NBAS: variants seen among roughly 807,000 people sequenced by gnomAD.
NBAS encodes NBAS subunit of NRZ tethering complex, also known as NAG/BC035112 fusion.
A neutral mutation model predicts 302.5 loss-of-function variants in NBAS; 219 were observed. The ratio of observed to expected loss-of-function variants is 0.72; its 90% CI spans 0.65 to 0.81. NBAS has a LOEUF of 0.81. NBAS is among the 30% of genes least tolerant of loss of function. The probability of loss-of-function intolerance (pLI) is 0.00; values close to 1 mark genes in which losing one functional copy is unlikely to be tolerated. For synonymous variants in NBAS, 1,118 were observed against 1,021.6 expected (o/e 1.09, Z -1.80); for missense variants, 2,932 against 2,841.6 (o/e 1.03, Z -0.72).
Position 15,467,666 on chromosome 2 carries a change from G to A in NBAS, c.2016C>T (p.Ser672=). 6.2e-7 allele frequency: 1 copy of A among 1,611,530 alleles called. No individual in the cohort carries two copies. The highest frequency in any genetic ancestry group is 1.3e-5 in the African/African-American group (1 of 74,934). Residue 672 remains serine, a splice_region_variant and synonymous_variant, in exon 18 of 52, where the codon TCC becomes TCT. Coordinates refer to ENST00000281513, the MANE Select transcript of NBAS (RefSeq NM_015909.4). ...RQELLKLVNF[S]KLTLEQKELC... is the part of the protein sequence containing the mutation. ...ATGAACAGTAACAACTCATTTACTT[G>A]GAAAAGTTCACTAATTTCAGTAGTT...
the NBAS span, among the ~76,000 whole-genome samples, chr2:14,832,084 G>C: frequency 6.6e-6 from 1 of 152,040 alleles, no homozygotes; most frequent in Admixed American, 6.6e-5. Flanking sequence ...TTATTTCAAG[G>C]TCATGGCTGT....
At chr2:14,785,744 G>A in the NBAS span, among the ~76,000 whole-genome samples, 2 of 152,116 alleles carry the variant, frequency 1.3e-5, no homozygotes, top group Admixed American at 1.3e-4. Flanking sequence ...GAGGATTTTT[G>A]CATCAATGTT....
At chr2:15,548,936 C>T (rs771609354) in intron 6 of NBAS, among the ~76,000 whole-genome samples, 1 of 152,042 alleles carries the variant, frequency 6.6e-6, no homozygotes, top group Non-Finnish European at 1.5e-5. Flanking sequence ...GAGACTCTCA[C>T]GGGATAGACA....
the NBAS span, among the ~76,000 whole-genome samples, chr2:15,152,468 T>A: frequency 1.8e-4 from 28 of 152,176 alleles, no homozygotes; most frequent in Non-Finnish European, 3.4e-4. Context: ...GCTAAGAGTA[T>A]ATTCTTGTAA....
chr2:15,364,487 C>T (rs541881351), intron 32 of NBAS, among the ~76,000 whole-genome samples: 2 of 152,088 alleles, frequency 1.3e-5, no homozygotes, highest in Admixed American at 1.3e-4. Flanking sequence ...GCCAAGATGG[C>T]GCCATTGCAC....
intron 44 of NBAS, among the ~76,000 whole-genome samples, chr2:15,243,698 G>C (rs960752660): frequency 6.6e-6 from 1 of 152,112 alleles, no homozygotes; most frequent in African/African-American, 2.4e-5. Context: ...CTTGGGAAAT[G>C]GAACACCAGA....
chr2:15,047,750 C>G, the NBAS span, among the ~76,000 whole-genome samples: 7,721 of 145,350 alleles, frequency 0.053, 257 homozygotes, highest in Non-Finnish European at 0.083. Flanking sequence ...GGTGGAGCAG[C>G]CTGTGCACCA....
At chr2:15,428,096 G>A (rs958285645) in intron 21 of NBAS, among the ~76,000 whole-genome samples, 6 of 152,194 alleles carry the variant, frequency 3.9e-5, no homozygotes, top group African/African-American at 1.4e-4. Context: ...AGCCTGCAGT[G>A]CATGTTGTTA....
At chr2:15,213,088 T>C in intron 48 of NBAS, among the ~76,000 whole-genome samples, 1 of 152,316 alleles carries the variant, frequency 6.6e-6, no homozygotes. Flanking sequence ...AACAATTGTA[T>C]TGTGTTATTA....
the NBAS span, among the ~76,000 whole-genome samples, chr2:15,100,012 T>C: frequency 2.0e-5 from 3 of 152,208 alleles, no homozygotes. Context: ...AGTGCAGATG[T>C]TTCCAGCATA....
At chr2:15,521,606 T>A (rs1283804042) in intron 9 of NBAS, among the ~76,000 whole-genome samples, 1 of 152,216 alleles carries the variant, frequency 6.6e-6, no homozygotes, top group Admixed American at 6.5e-5. Context: ...AAGTCAAGTA[T>A]ATTTAATAAT....
At chr2:14,846,308 T>C in the NBAS span, among the ~76,000 whole-genome samples, 1 of 152,084 alleles carries the variant, frequency 6.6e-6, no homozygotes, top group African/African-American at 2.4e-5. Flanking sequence ...TATATACTTT[T>C]ACAGAATAAT....
chr2:15,183,602 T>G (rs1664931734), intron 50 of NBAS, among the ~76,000 whole-genome samples: 1 of 152,216 alleles, frequency 6.6e-6, no homozygotes, highest in Non-Finnish European at 1.5e-5. Context: ...CTTAACCTCT[T>G]CTTTCACAGA....
intron 40 of NBAS, among the ~76,000 whole-genome samples, chr2:15,295,030 G>C (rs1670483285): frequency 6.6e-6 from 1 of 152,120 alleles, no homozygotes; most frequent in South Asian, 2.1e-4. Flanking sequence ...AGCTACCTTA[G>C]TTCTCCCAAT....
the NBAS span, among the ~76,000 whole-genome samples, chr2:14,917,895 C>T: frequency 1.1e-4 from 16 of 152,280 alleles, no homozygotes; most frequent in South Asian, 3.1e-3. Flanking sequence ...CACTCAATTT[C>T]TTTCTCCCTA....
At chr2:15,404,512 ATTTTT>A (rs996825365) in intron 25 of NBAS, among the ~76,000 whole-genome samples, 3 of 142,814 alleles carry the variant, frequency 2.1e-5, no homozygotes, top group African/African-American at 7.7e-5. Context: ...TTTTTTTTTA[ATTTTT>A]TTTTTTTTAT....
chr2:15,453,812 C>G (rs1679129679), intron 21 of NBAS, among the ~76,000 whole-genome samples: 1 of 151,748 alleles, frequency 6.6e-6, no homozygotes, highest in Non-Finnish European at 1.5e-5. Context: ...CAGAGTCTCA[C>G]TCTGTCACCA....
At chr2:15,012,117 A>T in the NBAS span, among the ~76,000 whole-genome samples, 26 of 152,312 alleles carry the variant, frequency 1.7e-4, no homozygotes, top group Non-Finnish European at 2.6e-4. Context: ...TCAAAATAAT[A>T]ATCTTAAGGA....
chr2:14,905,040 C>A, the NBAS span, among the ~76,000 whole-genome samples: 1 of 152,094 alleles, frequency 6.6e-6, no homozygotes. Flanking sequence ...GAGTGAGACT[C>A]CGTCTCAAAA....
Sources: gnomAD v4.1 joint callset for allele counts (sites outside exome capture counted in the v4.1 genomes callset) on GRCh38, gnomAD v4.1.1 for gene constraint, MANE v1.5 for transcripts, NCBI Gene and HGNC (gene_info 2026-07-23, HGNC 2026-07-21) for gene names.